AQR: variants seen among roughly 807,000 people sequenced by gnomAD.
The protein encoded by AQR is RNA helicase aquarius.
AQR carries 61 observed loss-of-function variants against 180.5 expected under a neutral mutation model. That is an observed-to-expected ratio of 0.34 (90% CI 0.28 to 0.42). The LOEUF (loss-of-function observed/expected upper bound fraction) is 0.42, where lower values mean the gene tolerates loss of function less well. AQR is among the 10% of genes least tolerant of loss of function. The probability of loss-of-function intolerance (pLI) is 1.00; values close to 1 mark genes in which losing one functional copy is unlikely to be tolerated. For missense variants in AQR, 1,281 were observed against 1,798.3 expected (o/e 0.71, Z 5.20); for synonymous variants, 551 against 588.8 (o/e 0.94, Z 0.93).
rs559602024 is a variant in AQR at position 34,946,652 on chromosome 15, A to T, written c.330+1612T>A. Among the ~76,000 whole-genome samples the T allele has an allele frequency of 1.6e-3, 194 of 124,462 alleles. 1 individual carries two copies. Among genetic ancestry groups the T allele is most frequent in the South Asian group, 0.012 (40 of 3,440 alleles). The allele number at this position is 124,462 out of a possible 152,430, so 81.7% of individuals were successfully genotyped here. On this transcript the variant is annotated intron_variant, in intron 5 of 34. Coordinates refer to ENST00000156471, the MANE Select transcript of AQR (RefSeq NM_014691.3). Reference sequence around the variant, plus strand: ...GGGGCGCCTCTGCCTGGCCGCCCCTACTGGAAAGTGAGGAGCCCCTCTGCC... The same window carrying T: ...GGGGCGCCTCTGCCTGGCCGCCCCTTCTGGAAAGTGAGGAGCCCCTCTGCC...
intron 25 of AQR, among the ~76,000 whole-genome samples, 165 bp from the exon 26 acceptor site, chr15:34,884,899 T>A (rs1893035163): frequency 6.6e-6 from 1 of 152,218 alleles, no homozygotes; most frequent in Admixed American, 6.5e-5. Context: ...ACTGACAGAT[T>A]GCTCTTCTGT....
intron 1 of AQR, among the ~76,000 whole-genome samples, chr15:34,967,858 G>A (rs1363246943): frequency 3.9e-5 from 6 of 152,042 alleles, no homozygotes; most frequent in Non-Finnish European, 5.9e-5. Context: ...TTGTTGCCCA[G>A]GCTGGAGTGC....
At chr15:34,951,254 A>G (rs944729467) in intron 4 of AQR, among the ~76,000 whole-genome samples, 8 of 152,178 alleles carry the variant, frequency 5.3e-5, no homozygotes, top group Non-Finnish European at 1.0e-4. Context: ...GAAACCATCA[A>G]TTACTCTCTA....
chr15:34,923,554 A>G (rs1893713197), intron 13 of AQR, among the ~76,000 whole-genome samples: 1 of 152,160 alleles, frequency 6.6e-6, no homozygotes, highest in Non-Finnish European at 1.5e-5. Context: ...CATACTTCCT[A>G]GAAGTTTTAA....
intron 3 of AQR, among the ~76,000 whole-genome samples, chr15:34,955,409 C>A (rs921248289): frequency 2.0e-5 from 3 of 152,134 alleles, no homozygotes; most frequent in African/African-American, 7.2e-5. Context: ...TACATTCCCC[C>A]CTATCCCAAC....
In AQR at chr15:34,855,730, T is replaced by A. The variant is rs564612840; in HGVS notation, c.*1062A>T. 6.6e-6 allele frequency: 1 copy of A among 152,166 alleles called. No individual in the cohort carries two copies. Among genetic ancestry groups the A allele is most frequent in the African/African-American group, 2.4e-5 (1 of 41,428 alleles). The allele number at this position is 152,166 out of a possible 1,614,324, so 9.4% of individuals were successfully genotyped here. A position where few individuals can be genotyped will look rare whatever the true frequency, so the allele number is the denominator to read the frequency against. On this transcript the variant is annotated 3_prime_UTR_variant, in exon 35 of 35. Transcript: ENST00000156471. ...GAATCACCTGGGGACTTTGTTGCAA[T>A]GTAGATTTAGATTTAATAGGTTTGG...
chr15:34,925,897 G>A (rs142243683), intron 13 of AQR, among the ~76,000 whole-genome samples: 37 of 152,124 alleles, frequency 2.4e-4, no homozygotes, highest in Non-Finnish European at 1.0e-4. Context: ...GGCCGGGCGC[G>A]GTGGCTCATG....
chr15:34,886,163 G>A (rs1193252805), intron 25 of AQR, among the ~76,000 whole-genome samples: 1 of 152,078 alleles, frequency 6.6e-6, no homozygotes, highest in Non-Finnish European at 1.5e-5. Context: ...GTTGATTAAT[G>A]TATACAATAA....
intron 3 of AQR, among the ~76,000 whole-genome samples, chr15:34,957,818 A>G (rs192323783): frequency 6.6e-6 from 1 of 151,794 alleles, no homozygotes; most frequent in East Asian, 1.9e-4. Flanking sequence ...TTAAAAAATA[A>G]TAATAAAAAA....
intron 27 of AQR, among the ~76,000 whole-genome samples, chr15:34,877,540 TC>T (rs1892905420): frequency 6.6e-6 from 1 of 152,184 alleles, no homozygotes; most frequent in African/African-American, 2.4e-5. Context: ...TCTCACATTT[TC>T]TAAGAAGTCC....
intron 33 of AQR, 50 bp downstream of exon 33, chr15:34,862,817 A>T (rs939119216): frequency 6.3e-7 from 1 of 1,593,860 alleles, no homozygotes; most frequent in Non-Finnish European, 8.6e-7. Context: ...GAAAATCCCA[A>T]TTTCCACTCT....
intron 13 of AQR, among the ~76,000 whole-genome samples, chr15:34,922,094 G>A (rs773425809): frequency 5.9e-5 from 9 of 152,188 alleles, no homozygotes; most frequent in Non-Finnish European, 1.2e-4. Context: ...TTACAGGTGT[G>A]AGCCACCATG....
chr15:34,952,845 C>T (rs778340352), intron 4 of AQR, 40 bp downstream of exon 4: 4 of 1,371,664 alleles, frequency 2.9e-6, no homozygotes, highest in African/African-American at 2.9e-5. Flanking sequence ...AAACTGAAAT[C>T]ACATTATCTC....
intron 20 of AQR, among the ~76,000 whole-genome samples, 163 bp from the exon 21 acceptor site, chr15:34,897,868 G>T (rs1407316702): frequency 6.6e-6 from 1 of 152,176 alleles, no homozygotes; most frequent in East Asian, 1.9e-4. Flanking sequence ...CGAGTTACAA[G>T]CCCTAACGTG....
intron 27 of AQR, among the ~76,000 whole-genome samples, chr15:34,879,858 C>G (rs1200818241): frequency 1.3e-5 from 2 of 152,100 alleles, no homozygotes; most frequent in Non-Finnish European, 2.9e-5. Context: ...GAGCACCACA[C>G]AGAAAGTGGG....
chr15:34,908,869 A>T (rs1893457721), intron 17 of AQR, among the ~76,000 whole-genome samples: 1 of 152,206 alleles, frequency 6.6e-6, no homozygotes. Context: ...ATCTCAGTTT[A>T]TTACCCACAG....
chr15:34,919,854 C>T (rs928476485), intron 14 of AQR, among the ~76,000 whole-genome samples: 7 of 151,828 alleles, frequency 4.6e-5, no homozygotes, highest in African/African-American at 1.5e-4. Flanking sequence ...GCTGAGATCA[C>T]GCCACTGCAC....
intron 14 of AQR, 112 bp from the exon 15 acceptor site, chr15:34,918,490 G>A (rs1893631140): frequency 6.3e-6 from 8 of 1,274,498 alleles, no homozygotes; most frequent in African/African-American, 1.5e-5. Flanking sequence ...TTCAACAAGC[G>A]ATTTTTTTTT....
chr15:34,884,862 C>T, intron 25 of AQR, 128 bp from the exon 26 acceptor site: 1 of 698,000 alleles, frequency 1.4e-6, no homozygotes, highest in South Asian at 1.9e-5. Context: ...AATCTTTGAT[C>T]CAATATAACT....
Sources: allele counts gnomAD v4.1 joint callset (sites outside exome capture counted in the v4.1 genomes callset), GRCh38; gene constraint gnomAD v4.1.1; transcripts MANE v1.5; gene names NCBI Gene and HGNC (gene_info 2026-07-23, HGNC 2026-07-21).